Variants in CDH12 observed in about 807,000 individuals in gnomAD.
CDH12 encodes the protein cadherin-12.
In CDH12, 41 loss-of-function variants were observed where a neutral mutation model predicts 74.1. That is an observed-to-expected ratio of 0.55 (90% confidence interval 0.43 to 0.72). The LOEUF (loss-of-function observed/expected upper bound fraction) is 0.72, where lower values mean the gene tolerates loss of function less well. Ranked by LOEUF, CDH12 falls within the 30% of genes least tolerant of loss-of-function variation. The pLI is 0.00. For missense variants in CDH12, 945 were observed against 977.2 expected, an observed-to-expected ratio of 0.97 and a Z score of 0.44; for synonymous variants, 399 against 355.0, an observed-to-expected ratio of 1.12 and a Z score of -1.39.
intron 4 of CDH12, among the ~76,000 whole-genome samples, chr5:22,117,525 T>TATATATATATATATAATATATATATATA: frequency 1.9e-5 from 1 of 53,936 alleles, no homozygotes; most frequent in East Asian, 6.0e-4. Context: ...ATATATATAA[T>TATATATATATATATAATATATATATATA]ATATATATAT....
At chr5:22,315,862 T>A (rs1459153194) in intron 3 of CDH12, among the ~76,000 whole-genome samples, 1 of 152,186 alleles carries the variant, frequency 6.6e-6, no homozygotes. Context: ...TCGCAAACTC[T>A]GTGAAGGAGG....
At chr5:22,026,644 G>T (rs1425566614) in intron 5 of CDH12, among the ~76,000 whole-genome samples, 1 of 152,116 alleles carries the variant, frequency 6.6e-6, no homozygotes, top group Non-Finnish European at 1.5e-5. Flanking sequence ...ATCAGGGGTA[G>T]GGGTAGGGTT....
At chr5:22,742,150 C>A (rs896358954) in intron 1 of CDH12, among the ~76,000 whole-genome samples, 2 of 151,042 alleles carry the variant, frequency 1.3e-5, no homozygotes, top group African/African-American at 4.9e-5. Flanking sequence ...CCACTGTACT[C>A]CAGCCTGGGT....
At chr5:22,410,433 A>C (rs1239361081) in intron 2 of CDH12, among the ~76,000 whole-genome samples, 2 of 152,120 alleles carry the variant, frequency 1.3e-5, no homozygotes, top group East Asian at 3.9e-4. Flanking sequence ...AAGAAATGTC[A>C]CTGAGAGAGG....
In CDH12 at chr5:22,801,020, G is replaced by A. The variant is rs931640670; in HGVS notation, c.-523+52038C>T. On this transcript the variant is annotated intron_variant, in intron 1 of 14. Transcript: ENST00000382254. ...CGCCATAAAAAACCATGTGCTGCTC[G>A]TTCTGTGAACATAAGCTTTCATCTC... Among the ~76,000 whole-genome samples the A allele has an allele frequency of 2.0e-5, 3 of 152,126 alleles. 1 individual carries two copies. The highest frequency in any genetic ancestry group is 4.8e-5 in the African/African-American group (2 of 41,428).
chr5:22,715,817 A>G, intron 1 of CDH12, among the ~76,000 whole-genome samples: 1 of 80,574 alleles, frequency 1.2e-5, no homozygotes, highest in Non-Finnish European at 3.0e-5. Flanking sequence ...AAAAAAAAGA[A>G]AAAAAAGAAA....
intron 4 of CDH12, among the ~76,000 whole-genome samples, chr5:22,162,521 C>T (rs1748416385): frequency 1.3e-5 from 2 of 152,154 alleles, no homozygotes; most frequent in South Asian, 4.1e-4. Context: ...CAACGTCAAG[C>T]TCCCAATGCC....
At chr5:21,993,957 G>A (rs1219508430) in intron 5 of CDH12, among the ~76,000 whole-genome samples, 2 of 151,804 alleles carry the variant, frequency 1.3e-5, no homozygotes, top group Non-Finnish European at 2.9e-5. Flanking sequence ...ATGTGCTATA[G>A]TTCTCTGATA....
intron 1 of CDH12, among the ~76,000 whole-genome samples, chr5:22,674,722 T>C (rs1028630773): frequency 2.0e-5 from 3 of 152,096 alleles, no homozygotes; most frequent in Admixed American, 2.0e-4. Flanking sequence ...CAGGCTGAGG[T>C]GGTCTCAGAT....
At chr5:22,419,319 G>A (rs1043589486) in intron 2 of CDH12, among the ~76,000 whole-genome samples, 1 of 152,116 alleles carries the variant, frequency 6.6e-6, no homozygotes, top group Non-Finnish European at 1.5e-5. Context: ...TGCACCCCCT[G>A]ACAGGCCCCA....
At chr5:22,251,858 A>T (rs1753147264) in intron 3 of CDH12, among the ~76,000 whole-genome samples, 1 of 151,974 alleles carries the variant, frequency 6.6e-6, no homozygotes, top group Non-Finnish European at 1.5e-5. Flanking sequence ...TCCAAGTAGC[A>T]GAAAAAAATA....
chr5:22,838,975 C>G (rs752820017), intron 1 of CDH12, among the ~76,000 whole-genome samples: 1 of 152,048 alleles, frequency 6.6e-6, no homozygotes, highest in Non-Finnish European at 1.5e-5. Flanking sequence ...CTGTGCCCAG[C>G]CTTAAAATGT....
chr5:21,855,542 T>C (rs1750709291), intron 6 of CDH12, among the ~76,000 whole-genome samples: 1 of 148,890 alleles, frequency 6.7e-6, no homozygotes, highest in Non-Finnish European at 1.5e-5. Context: ...CTCTTCCTAA[T>C]ATCCTGTTCA....
intron 4 of CDH12, among the ~76,000 whole-genome samples, chr5:22,159,945 CTGTG>C (rs1748233635): frequency 6.6e-6 from 1 of 151,984 alleles, no homozygotes; most frequent in Non-Finnish European, 1.5e-5. Flanking sequence ...ATGTGTGTGC[CTGTG>C]TGTGTATGAT....
chr5:22,569,627 A>G lies in CDH12; in HGVS notation c.-522-64263T>C, dbSNP rs146976798. On this transcript the variant is annotated intron_variant, in intron 1 of 14. Coordinates refer to ENST00000382254, the MANE Select transcript of CDH12 (RefSeq NM_004061.5). ...GTTGTCGTTTCACAATGTTTACAGCATCTTACTAGGAGTAGATTTCATTTC... is the reference window on the plus strand; with the variant it reads ...GTTGTCGTTTCACAATGTTTACAGCGTCTTACTAGGAGTAGATTTCATTTC... Among the ~76,000 whole-genome samples, 46 of 152,334 alleles carry G rather than the reference A, an allele frequency of 3.0e-4. No homozygotes were observed. The East Asian group carries it at 8.5e-3, about 28-fold the overall frequency.
chr5:22,595,266 T>G (rs1198166216), intron 1 of CDH12, among the ~76,000 whole-genome samples: 3 of 152,214 alleles, frequency 2.0e-5, no homozygotes, highest in Non-Finnish European at 4.4e-5. Flanking sequence ...ACTTGACTTA[T>G]GAACCCAGAA....
chr5:22,191,148 A>T lies in CDH12; in HGVS notation c.-187+21350T>A, dbSNP rs180905764. Among the ~76,000 whole-genome samples the T allele has an allele frequency of 2.6e-5, 4 of 152,130 alleles. No individual in the cohort carries two copies. The East Asian group carries it at 7.8e-4, about 30-fold the overall frequency. Reference sequence around the variant, plus strand: ...AAACCAACATCCCAAGTGTTACTACATGGACGCTTCCCTTTGCCTAGAACA... The same window carrying T: ...AAACCAACATCCCAAGTGTTACTACTTGGACGCTTCCCTTTGCCTAGAACA... On this transcript the variant is annotated intron_variant, in intron 4 of 14. Coordinates refer to ENST00000382254, the MANE Select transcript of CDH12 (RefSeq NM_004061.5).
intron 6 of CDH12, among the ~76,000 whole-genome samples, chr5:21,939,940 G>A (rs192181490): frequency 1.3e-5 from 2 of 152,088 alleles, no homozygotes; most frequent in African/African-American, 4.8e-5. Context: ...AGTTACAGAG[G>A]TCGGGCACAG....
intron 6 of CDH12, among the ~76,000 whole-genome samples, chr5:21,957,360 T>C (rs1756147948): frequency 6.6e-6 from 1 of 152,166 alleles, no homozygotes; most frequent in Non-Finnish European, 1.5e-5. Flanking sequence ...ATTGTGCATA[T>C]TGCTGCAATG....
Sources: allele counts gnomAD v4.1 joint callset (sites outside exome capture counted in the v4.1 genomes callset), GRCh38; gene constraint gnomAD v4.1.1; transcripts MANE v1.5; gene names NCBI Gene and HGNC (gene_info 2026-07-23, HGNC 2026-07-21).